The following MOV10L1 variants were observed in gnomAD, a reference collection of about 807,000 sequenced individuals.
MOV10L1 encodes the protein RNA helicase Mov10l1.
MOV10L1 carries 110 observed loss-of-function variants against 143.8 expected under a neutral mutation model. The observed-to-expected ratio is 0.76, with a 90% CI of 0.66 to 0.90. The LOEUF is 0.90. Among genes scored for constraint, MOV10L1 ranks in the 40% least tolerant of loss-of-function variants. The pLI is 0.00. For synonymous variants in MOV10L1, 593 were observed against 581.1 expected, an observed-to-expected ratio of 1.02 and a Z score of -0.29; for missense variants, 1,406 against 1,526.8, an observed-to-expected ratio of 0.92 and a Z score of 1.32.
chr22:50,090,192 CG>C lies in MOV10L1; in HGVS notation c.97+8del. On this transcript the variant is annotated splice_region_variant and intron_variant, in intron 1 of 26. Coordinates refer to ENST00000262794, the MANE Select transcript of MOV10L1 (RefSeq NM_018995.3). ...GAGCCCGAGCTCGCGGAAGGTGGCT[CG>C]CGGGAGGCGGCTGGGAGGCGGGTCC... 1 of 1,415,856 alleles carries C rather than the reference CG, an allele frequency of 7.1e-7. No individual in the cohort carries two copies. The highest frequency in any genetic ancestry group is 9.2e-7 in the Non-Finnish European group (1 of 1,086,178). The allele number at this position is 1,415,856 out of a possible 1,614,324, so 87.7% of individuals were successfully genotyped here.
intron 16 of MOV10L1, 26 bp from the exon 17 acceptor site, chr22:50,143,017 T>C (rs771859636): frequency 9.3e-6 from 15 of 1,609,956 alleles, no homozygotes; most frequent in Non-Finnish European, 2.5e-6. Flanking sequence ...TGCATCTAAC[T>C]GAAACTTTCT....
chr22:50,135,877 T>C (rs144146499), intron 15 of MOV10L1, among the ~76,000 whole-genome samples: 80 of 152,324 alleles, frequency 5.3e-4, no homozygotes, highest in Non-Finnish European at 1.1e-3. Flanking sequence ...GTGGTTTTAT[T>C]TATCTTCATG....
At position 50,134,430 on chromosome 22, in the gene MOV10L1, A is replaced by G. The variant is rs1000715830; in HGVS notation, c.1970-100A>G. The G allele has an allele frequency of 6.8e-6, 6 of 878,942 alleles. No individual in the cohort carries two copies. In the Admixed American group the frequency reaches 1.1e-4, roughly 16 times the overall value. 54.4% of individuals were successfully genotyped at this position (878,942 alleles called of 1,614,324 possible). A position where few individuals can be genotyped will look rare whatever the true frequency, so the allele number is the denominator to read the frequency against. On this transcript the variant is annotated intron_variant, in intron 14 of 26. Coordinates refer to ENST00000262794, the MANE Select transcript of MOV10L1 (RefSeq NM_018995.3). ...AGGCAGGTTAAGAAAGGAAGGGAAT[A>G]GAATATTAATTGCTTTAGGGTCAGC...
chr22:50,134,671 C>T (rs771219311), intron 15 of MOV10L1, 41 bp downstream of exon 15: 2 of 1,567,406 alleles, frequency 1.3e-6, no homozygotes, highest in Admixed American at 3.3e-5. Context: ...CAGGGGATGG[C>T]TCAGCGACGT....
At chr22:50,139,008 T>TC in intron 15 of MOV10L1, among the ~76,000 whole-genome samples, 1 of 152,048 alleles carries the variant, frequency 6.6e-6, no homozygotes, top group East Asian at 1.9e-4. Flanking sequence ...GGCCTGAATT[T>TC]TTTTTTTTTT....
At chr22:50,110,990 A>G (rs1331698319) in intron 5 of MOV10L1, among the ~76,000 whole-genome samples, 1 of 152,168 alleles carries the variant, frequency 6.6e-6, no homozygotes, top group African/African-American at 2.4e-5. Flanking sequence ...TGTGCTAGCC[A>G]TGACGAGGCT....
chr22:50,141,260 T>C (rs2062976998), intron 15 of MOV10L1, among the ~76,000 whole-genome samples: 1 of 151,966 alleles, frequency 6.6e-6, no homozygotes, highest in Non-Finnish European at 1.5e-5. Flanking sequence ...ATGGTCTCGA[T>C]CTCTTGACCT....
intron 22 of MOV10L1, among the ~76,000 whole-genome samples, chr22:50,155,424 C>G (rs1308581275): frequency 6.6e-6 from 1 of 152,048 alleles, no homozygotes; most frequent in Non-Finnish European, 1.5e-5. Context: ...CCACGTCCAA[C>G]TAATTTTCGT....
intron 3 of MOV10L1, 148 bp from the exon 4 acceptor site, chr22:50,107,988 C>G: frequency 1.4e-6 from 1 of 691,152 alleles, no homozygotes; most frequent in Admixed American, 2.9e-5. Flanking sequence ...GTTTTTTATT[C>G]GAAAATATGT....
intron 15 of MOV10L1, among the ~76,000 whole-genome samples, chr22:50,137,812 CATATATAAATATACATATTTTATAT>C (rs2062870025): frequency 2.1e-5 from 2 of 95,150 alleles, no homozygotes; most frequent in Admixed American, 2.8e-4. Flanking sequence ...TATATATATA[CATATATAAATATACATATTTTATAT>C]ATACATATAT....
chr22:50,113,473 G>A lies in MOV10L1; in HGVS notation c.744-175G>A, dbSNP rs144972493. On this transcript the variant is annotated intron_variant, in intron 5 of 26. Coordinates refer to ENST00000262794, the MANE Select transcript of MOV10L1 (RefSeq NM_018995.3). ...TTCTCTAGACTTTATGAAGTGCATC[G>A]TTCTCTTCCTTAGGGTTTGCCATCC... The A allele has an allele frequency of 1.2e-4, 94 of 776,046 alleles. No individual in the cohort carries two copies. In the East Asian group the frequency reaches 2.3e-3, roughly 19 times the overall value. The allele number at this position is 776,046 out of a possible 1,614,324, so 48.1% of individuals were successfully genotyped here.
chr22:50,111,704 C>CAG (rs1569283383), intron 5 of MOV10L1, among the ~76,000 whole-genome samples: 1 of 151,852 alleles, frequency 6.6e-6, no homozygotes, highest in Non-Finnish European at 1.5e-5. Context: ...GGGGTTTCAC[C>CAG]GTGTTAGCCA....
At chr22:50,132,870 A>G (rs1048730462) in intron 13 of MOV10L1, among the ~76,000 whole-genome samples, 1 of 152,090 alleles carries the variant, frequency 6.6e-6, no homozygotes, top group African/African-American at 2.4e-5. Context: ...CCCCATCTCT[A>G]CTAAAAATAC....
At chr22:50,112,935 C>T (rs1011853286) in intron 5 of MOV10L1, among the ~76,000 whole-genome samples, 4 of 152,194 alleles carry the variant, frequency 2.6e-5, no homozygotes, top group Admixed American at 6.5e-5. Flanking sequence ...AACAGGCACC[C>T]GCCAGGAGGG....
chr22:50,159,810 GA>G lies in MOV10L1; in HGVS notation c.3324+26del, dbSNP rs2063510474. On this transcript the variant is annotated intron_variant, in intron 24 of 26. Transcript: ENST00000262794. This position sits in a 1 kb window ranked among gnomAD's most constrained non-coding sequence, Gnocchi z 4.1. ...CGTAGGTATCCCTGTTCTCCGTGGGGATGGACAGTCAGGTGCTTGCTGCCCT... is the reference window on the plus strand; with the variant it reads ...CGTAGGTATCCCTGTTCTCCGTGGGGTGGACAGTCAGGTGCTTGCTGCCCT... 1 of 1,512,816 alleles carries G rather than the reference GA, an allele frequency of 6.6e-7. No individual in the cohort carries two copies. The highest frequency in any genetic ancestry group is 9.2e-7 in the Non-Finnish European group (1 of 1,091,072). The allele number at this position is 1,512,816 out of a possible 1,614,324, so 93.7% of individuals were successfully genotyped here. A position where few individuals can be genotyped will look rare whatever the true frequency, so the allele number is the denominator to read the frequency against.
intron 4 of MOV10L1, 112 bp downstream of exon 4, chr22:50,108,360 C>A: frequency 9.8e-7 from 1 of 1,023,084 alleles, no homozygotes; most frequent in Non-Finnish European, 1.5e-6. Flanking sequence ...AAAAATAAAG[C>A]TTTGTCATGG....
At chr22:50,146,324 G>A (rs2063151785) in intron 19 of MOV10L1, among the ~76,000 whole-genome samples, 2 of 152,088 alleles carry the variant, frequency 1.3e-5, no homozygotes, top group African/African-American at 4.8e-5. Flanking sequence ...CCCTGGCGCT[G>A]GGGGCTCTTC....
At chr22:50,131,639 G>A (rs1228046808) in intron 13 of MOV10L1, among the ~76,000 whole-genome samples, 1 of 151,928 alleles carries the variant, frequency 6.6e-6, no homozygotes, top group Non-Finnish European at 1.5e-5. Context: ...GGAAATTGGA[G>A]GGTGGAATGA....
intron 3 of MOV10L1, among the ~76,000 whole-genome samples, chr22:50,100,509 T>G (rs1039346319): frequency 3.9e-5 from 6 of 152,040 alleles, no homozygotes; most frequent in African/African-American, 1.4e-4. Flanking sequence ...TCCTTTTTCT[T>G]TCTTTCTTTC....
Sources: gnomAD v4.1 joint callset for allele counts (sites outside exome capture counted in the v4.1 genomes callset) on GRCh38, gnomAD v4.1.1 for gene constraint, Gnocchi (gnomAD v3.1) non-coding constraint, MANE v1.5 for transcripts, NCBI Gene and HGNC (gene_info 2026-07-23, HGNC 2026-07-21) for gene names.